Variants in LRBA observed in about 807,000 individuals in gnomAD.
LRBA encodes LPS responsive beige-like anchor protein, also known as lipopolysaccharide-responsive and beige-like anchor protein.
Under a neutral mutation model 330.0 loss-of-function variants are expected in LRBA, and 176 were observed. That is an observed-to-expected ratio of 0.53 (90% CI 0.47 to 0.60). The LOEUF is 0.60. Ranked by LOEUF, LRBA falls within the 20% of genes least tolerant of loss-of-function variation. The probability of loss-of-function intolerance (pLI) is 0.00; values close to 1 mark genes in which losing one functional copy is unlikely to be tolerated. For synonymous variants in LRBA, 1,230 were observed against 1,193.0 expected, an observed-to-expected ratio of 1.03 and a Z score of -0.64; for missense variants, 3,259 against 3,444.8, an observed-to-expected ratio of 0.95 and a Z score of 1.35.
intron 37 of LRBA, among the ~76,000 whole-genome samples, chr4:150,626,626 C>G (rs2126651303): frequency 6.6e-6 from 1 of 151,920 alleles, no homozygotes; most frequent in African/African-American, 2.4e-5. Flanking sequence ...AAACCAATAA[C>G]TAATTTATAG....
At chr4:150,731,858 G>GT (rs1293913184) in intron 36 of LRBA, among the ~76,000 whole-genome samples, 2 of 152,262 alleles carry the variant, frequency 1.3e-5, no homozygotes, top group Admixed American at 6.6e-5. Flanking sequence ...TGGATTGTTT[G>GT]TAACCCAAAG....
intron 48 of LRBA, among the ~76,000 whole-genome samples, chr4:150,346,741 A>G: frequency 8.0e-6 from 1 of 125,268 alleles, no homozygotes; most frequent in Non-Finnish European, 1.6e-5. Context: ...CCTGGCAACA[A>G]TGTGAGACTC....
chr4:150,397,723 T>C (rs1284914053), intron 47 of LRBA, among the ~76,000 whole-genome samples: 3 of 152,192 alleles, frequency 2.0e-5, no homozygotes, highest in Non-Finnish European at 4.4e-5. Flanking sequence ...AGTTCAATAT[T>C]TATGATTGCT....
intron 33 of LRBA, among the ~76,000 whole-genome samples, chr4:150,805,621 G>A (rs1201948430): frequency 7.7e-5 from 11 of 143,514 alleles, no homozygotes; most frequent in Admixed American, 1.5e-4. Flanking sequence ...GAAAGGAAAG[G>A]AAAGGAGAAG....
rs1048684664 is a variant in LRBA at position 150,538,388 on chromosome 4, G to A, written c.6331-47353C>T. On this transcript the variant is annotated intron_variant, in intron 40 of 56. Transcript: ENST00000651943. ...ATAGCAAAGACAAGGAATCAACCTA[G>A]ATGCCCAGCAACAGTGGGGTTGATA... Among the ~76,000 whole-genome samples the A allele has an allele frequency of 9.2e-5, 14 of 152,122 alleles. No individual in the cohort carries two copies. In the East Asian group the frequency reaches 2.5e-3, roughly 27 times the overall value.
At position 150,737,277 on chromosome 4, in the gene LRBA, T is replaced by C. The variant is rs562816724; in HGVS notation, c.5646-1911A>G. 5.3e-5 allele frequency among the ~76,000 whole-genome samples: 8 copies of C among 152,110 alleles called. No individual in the cohort carries two copies. In the East Asian group the frequency reaches 7.8e-4, roughly 15 times the overall value. On this transcript the variant is annotated intron_variant, in intron 35 of 56. Transcript: ENST00000651943. ...CTCTTCAAGACCAGCCTGGGTAACATAGTGAAACCCTGTCTCTACTAAAAA... is the reference window on the plus strand; with the variant it reads ...CTCTTCAAGACCAGCCTGGGTAACACAGTGAAACCCTGTCTCTACTAAAAA...
chr4:150,641,097 C>A (rs1561460192), intron 37 of LRBA, among the ~76,000 whole-genome samples: 1 of 152,148 alleles, frequency 6.6e-6, no homozygotes, highest in Non-Finnish European at 1.5e-5. Context: ...AATTCACATA[C>A]TGTGTGACAT....
At chr4:150,862,270 C>G (rs939239769) in intron 22 of LRBA, among the ~76,000 whole-genome samples, 16 of 152,186 alleles carry the variant, frequency 1.1e-4, no homozygotes, top group African/African-American at 3.6e-4. Context: ...CAAACACTTG[C>G]AGCCAACCCA....
At chr4:150,386,771 G>T (rs1203914823) in intron 47 of LRBA, among the ~76,000 whole-genome samples, 1 of 152,092 alleles carries the variant, frequency 6.6e-6, no homozygotes, top group Non-Finnish European at 1.5e-5. Context: ...ATTCCTTTGG[G>T]TATATACCCA....
chr4:150,636,677 A>G (rs1257793232), intron 37 of LRBA, among the ~76,000 whole-genome samples: 1 of 152,140 alleles, frequency 6.6e-6, no homozygotes, highest in East Asian at 1.9e-4. Flanking sequence ...CCGTAATCCC[A>G]GTACTTTATT....
chr4:150,322,525 G>C (rs2126930631), intron 49 of LRBA, among the ~76,000 whole-genome samples: 1 of 152,264 alleles, frequency 6.6e-6, no homozygotes, highest in South Asian at 2.1e-4. Flanking sequence ...TGTAAATGTG[G>C]AGGCACATAT....
intron 52 of LRBA, among the ~76,000 whole-genome samples, chr4:150,304,071 C>T (rs1730044237): frequency 6.6e-6 from 1 of 152,026 alleles, no homozygotes; most frequent in African/African-American, 2.4e-5. Flanking sequence ...GCATGGCTTT[C>T]TTTTTCTTTA....
At chr4:150,939,342 C>T (rs560770296) in intron 2 of LRBA, among the ~76,000 whole-genome samples, 11 of 152,130 alleles carry the variant, frequency 7.2e-5, no homozygotes, top group African/African-American at 2.2e-4. Flanking sequence ...AATTTGTGCT[C>T]GACACATGTA....
chr4:150,306,733 C>G (rs1294325990), intron 52 of LRBA, among the ~76,000 whole-genome samples: 1 of 152,072 alleles, frequency 6.6e-6, no homozygotes, highest in Non-Finnish European at 1.5e-5. Flanking sequence ...GGCAAACATA[C>G]TAGGAACTTA....
chr4:150,444,300 T>G (rs1752301182), intron 44 of LRBA, among the ~76,000 whole-genome samples: 1 of 152,088 alleles, frequency 6.6e-6, no homozygotes. Flanking sequence ...TGCTGAGGCT[T>G]TTTATAGAAG....
intron 40 of LRBA, among the ~76,000 whole-genome samples, chr4:150,536,104 A>G (rs1764628242): frequency 6.6e-6 from 1 of 152,206 alleles, no homozygotes; most frequent in Non-Finnish European, 1.5e-5. Context: ...CTACAGAACA[A>G]ATGCACTGGT....
chr4:150,501,996 G>A (rs1760344393), intron 40 of LRBA, among the ~76,000 whole-genome samples: 1 of 152,210 alleles, frequency 6.6e-6, no homozygotes, highest in African/African-American at 2.4e-5. Context: ...TCCTGCAGTA[G>A]AGAAAACAGA....
intron 35 of LRBA, among the ~76,000 whole-genome samples, chr4:150,736,172 A>T (rs545132917): frequency 1.3e-5 from 2 of 152,332 alleles, no homozygotes; most frequent in South Asian, 4.1e-4. Context: ...CTAAATTAAT[A>T]CAATCGGCCA....
intron 42 of LRBA, among the ~76,000 whole-genome samples, chr4:150,475,907 CAA>C (rs1052396952): frequency 2.4e-5 from 3 of 123,262 alleles, no homozygotes; most frequent in Admixed American, 8.2e-5. Flanking sequence ...CGTGTCTCTA[CAA>C]AAAAAAAAAA....
Sources: allele counts gnomAD v4.1 joint callset (sites outside exome capture counted in the v4.1 genomes callset), GRCh38; gene constraint gnomAD v4.1.1; transcripts MANE v1.5; gene names NCBI Gene and HGNC (gene_info 2026-07-23, HGNC 2026-07-21).